The following ALK variants were observed in gnomAD, a reference collection of about 807,000 sequenced individuals.
ALK encodes the protein ALK receptor tyrosine kinase.
In ALK, 74 loss-of-function variants were observed where a neutral mutation model predicts 163.1. The observed-to-expected ratio is 0.45, with a 90% CI of 0.38 to 0.55. ALK has a LOEUF of 0.55. ALK is among the 20% of genes least tolerant of loss of function. The probability of loss-of-function intolerance (pLI) is 0.00; values close to 1 mark genes in which losing one functional copy is unlikely to be tolerated. For synonymous variants in ALK, 960 were observed against 843.2 expected (o/e 1.14, Z -2.40); for missense variants, 2,063 against 2,105.3 (o/e 0.98, Z 0.39).
intron 11 of ALK, among the ~76,000 whole-genome samples, chr2:29,254,184 A>T (rs1177509313): frequency 6.6e-6 from 1 of 152,216 alleles, no homozygotes; most frequent in Non-Finnish European, 1.5e-5. Context: ...CTCTCCAGCC[A>T]TGCTGAACTG....
In ALK at chr2:29,215,918, G is replaced by A. The variant is rs557012322; in HGVS notation, c.3646-1837C>T. 3.9e-5 allele frequency among the ~76,000 whole-genome samples: 6 copies of A among 152,296 alleles called. No homozygotes were observed. In the South Asian group the frequency reaches 1.2e-3, roughly 32 times the overall value. On this transcript the variant is annotated intron_variant, in intron 23 of 28. Coordinates refer to ENST00000389048, the MANE Select transcript of ALK (RefSeq NM_004304.5). ...ACTGTCGGTCTCCCTGGGTTGTCAG[G>A]AGCACCCACGCCAGCAGCCTCGGGC...
At chr2:29,505,860 C>T (rs1314645990) in intron 4 of ALK, among the ~76,000 whole-genome samples, 2 of 150,246 alleles carry the variant, frequency 1.3e-5, no homozygotes, top group Non-Finnish European at 2.9e-5. Flanking sequence ...AACATCCATT[C>T]ATGGGGTGAA....
chr2:29,217,194 GTGT>G (rs369443208), intron 23 of ALK, among the ~76,000 whole-genome samples: 19 of 150,780 alleles, frequency 1.3e-4, no homozygotes, highest in African/African-American at 3.7e-4. Flanking sequence ...TACATGTGTG[GTGT>G]TTTGTGTGTG....
chr2:29,883,996 A>G (rs1451534180), intron 1 of ALK, among the ~76,000 whole-genome samples: 1 of 152,218 alleles, frequency 6.6e-6, no homozygotes, highest in African/African-American at 2.4e-5. Context: ...GTGCACACAA[A>G]CACAGACTGT....
intron 3 of ALK, among the ~76,000 whole-genome samples, chr2:29,610,239 T>C (rs993161411): frequency 6.6e-6 from 1 of 152,268 alleles, no homozygotes; most frequent in East Asian, 1.9e-4. Flanking sequence ...TACCAGCGTA[T>C]GGATGGGGAA....
chr2:29,803,496 T>C (rs925385845), intron 1 of ALK, among the ~76,000 whole-genome samples: 20 of 152,186 alleles, frequency 1.3e-4, no homozygotes, highest in African/African-American at 4.8e-4. Context: ...GTGTGGAAAC[T>C]GAATAGAGGG....
intron 13 of ALK, among the ~76,000 whole-genome samples, chr2:29,237,690 G>C (rs1180693206): frequency 6.6e-6 from 1 of 152,136 alleles, no homozygotes; most frequent in Non-Finnish European, 1.5e-5. Context: ...GTGCTGTCTG[G>C]ATTGTGGGCT....
chr2:29,857,381 C>T (rs1242993345), intron 1 of ALK, among the ~76,000 whole-genome samples: 1 of 152,020 alleles, frequency 6.6e-6, no homozygotes, highest in Non-Finnish European at 1.5e-5. Flanking sequence ...TAATATGTTT[C>T]AGTGGCCAAA....
intron 4 of ALK, among the ~76,000 whole-genome samples, chr2:29,388,827 G>T (rs762610839): frequency 1.3e-5 from 2 of 152,134 alleles, no homozygotes; most frequent in Admixed American, 1.3e-4. Flanking sequence ...CAGCCATCAC[G>T]TTTGTTTAAA....
intron 1 of ALK, 151 bp from the exon 2 acceptor site, chr2:29,717,848 T>G (rs1679308673): frequency 1.1e-6 from 1 of 919,916 alleles, no homozygotes; most frequent in East Asian, 2.6e-5. Flanking sequence ...ACCAGTAGAC[T>G]GAGTTGACCT....
At chr2:29,444,426 T>C (rs1670621017) in intron 4 of ALK, among the ~76,000 whole-genome samples, 2 of 152,138 alleles carry the variant, frequency 1.3e-5, no homozygotes, top group Non-Finnish European at 2.9e-5. Context: ...CAAGGCTGCC[T>C]GATTTGGAAG....
At chr2:29,364,046 T>C (rs1234672597) in intron 5 of ALK, among the ~76,000 whole-genome samples, 1 of 152,194 alleles carries the variant, frequency 6.6e-6, no homozygotes, top group African/African-American at 2.4e-5. Flanking sequence ...CTTATTATTA[T>C]GGGCTATAAA....
intron 8 of ALK, among the ~76,000 whole-genome samples, chr2:29,308,848 C>CA (rs1287026331): frequency 6.6e-6 from 1 of 150,828 alleles, no homozygotes; most frequent in Admixed American, 6.6e-5. Flanking sequence ...AAACAGTTCA[C>CA]AAAAAACAGA....
intron 13 of ALK, among the ~76,000 whole-genome samples, chr2:29,235,856 CTTTTTTTTTTTTTTTTTTTT>C (rs569363324): frequency 9.4e-4 from 36 of 38,302 alleles, no homozygotes; most frequent in Non-Finnish European, 1.5e-3. Flanking sequence ...CCAGGCTCGA[CTTTTTTTTTTTTTTTTTTTT>C]TTTTTTTTTT....
At chr2:29,475,858 T>G (rs565239926) in intron 4 of ALK, among the ~76,000 whole-genome samples, 2 of 84,552 alleles carry the variant, frequency 2.4e-5, no homozygotes, top group Non-Finnish European at 5.4e-5. Context: ...CAAACTGCCA[T>G]CACAATAAAC....
intron 1 of ALK, among the ~76,000 whole-genome samples, chr2:29,837,689 A>G (rs902436007): frequency 2.0e-5 from 3 of 152,216 alleles, no homozygotes; most frequent in African/African-American, 7.2e-5. Context: ...CAAAAGGACT[A>G]AACTGATTCA....
At chr2:29,861,414 G>A (rs544446352) in intron 1 of ALK, among the ~76,000 whole-genome samples, 7 of 152,016 alleles carry the variant, frequency 4.6e-5, no homozygotes, top group African/African-American at 1.2e-4. Flanking sequence ...TGAAAAAAGA[G>A]AAGACTCAAA....
At chr2:29,501,429 C>T (rs1476219828) in intron 4 of ALK, among the ~76,000 whole-genome samples, 5 of 152,180 alleles carry the variant, frequency 3.3e-5, no homozygotes, top group South Asian at 2.1e-4. Flanking sequence ...TGAAACTCTC[C>T]GACGCTTCAT....
chr2:29,238,575 C>T (rs1315419102), intron 13 of ALK, among the ~76,000 whole-genome samples: 1 of 152,186 alleles, frequency 6.6e-6, no homozygotes, highest in African/African-American at 2.4e-5. Flanking sequence ...CTAGTGAGAA[C>T]TGGAGATGGA....
Sources: allele counts gnomAD v4.1 joint callset (sites outside exome capture counted in the v4.1 genomes callset), GRCh38; gene constraint gnomAD v4.1.1; transcripts MANE v1.5; gene names NCBI Gene and HGNC (gene_info 2026-07-23, HGNC 2026-07-21).